GADL1: variants seen among roughly 807,000 people sequenced by gnomAD.
GADL1 encodes the protein acidic amino acid decarboxylase GADL1.
Under a neutral mutation model 69.5 loss-of-function variants are expected in GADL1, and 71 were observed. The observed-to-expected ratio is 1.02, with a 90% CI of 0.84 to 1.25. The LOEUF (loss-of-function observed/expected upper bound fraction) is 1.25. Among genes scored for constraint, GADL1 ranks in the 50% most tolerant of loss-of-function variants. GADL1 has a pLI of 0.00. For synonymous variants in GADL1, 254 were observed against 214.4 expected (o/e 1.18, Z -1.62); for missense variants, 737 against 631.8 (o/e 1.17, Z -1.79).
At chr3:30,885,252 G>A (rs1050033253) in intron 1 of GADL1, among the ~76,000 whole-genome samples, 6 of 151,752 alleles carry the variant, frequency 4.0e-5, no homozygotes, top group Non-Finnish European at 7.4e-5. Context: ...TTAATTTCCA[G>A]CCAATTATTT....
intron 1 of GADL1, among the ~76,000 whole-genome samples, chr3:30,879,515 C>A (rs1309364915): frequency 8.6e-5 from 13 of 151,902 alleles, no homozygotes; most frequent in Non-Finnish European, 1.2e-4. Context: ...GTGATCTCCT[C>A]CAAGAGAAGC....
At chr3:30,775,088 C>CAT (rs1312886148) in intron 14 of GADL1, among the ~76,000 whole-genome samples, 2 of 152,164 alleles carry the variant, frequency 1.3e-5, no homozygotes, top group Non-Finnish European at 2.9e-5. Flanking sequence ...GGAACTCAGG[C>CAT]ATCCAGTATC....
intron 11 of GADL1, among the ~76,000 whole-genome samples, chr3:30,822,575 T>G (rs984509924): frequency 5.9e-5 from 9 of 152,192 alleles, no homozygotes; most frequent in Middle Eastern, 3.4e-3. Flanking sequence ...AGCCTAGATA[T>G]ATATTAATAT....
intron 13 of GADL1, among the ~76,000 whole-genome samples, chr3:30,783,765 A>T (rs115364479): frequency 0.022 from 3,374 of 152,106 alleles, 53 homozygotes; most frequent in Middle Eastern, 0.048. Flanking sequence ...AGATGAAAAA[A>T]TCCAGGGGCA....
At position 30,839,514 on chromosome 3, in the gene GADL1, C is replaced by CAA. The variant is rs764490080; in HGVS notation, c.787-403_787-402dup. On this transcript the variant is annotated intron_variant, in intron 8 of 14. Coordinates refer to ENST00000282538, the MANE Select transcript of GADL1 (RefSeq NM_207359.3). The stretch of plus-strand genomic sequence containing the variant: ...CATTGTGCCATCATTGTCATCTTCT[C>CAA]AAAAAAAAAAAAAGGTTGGAAGACA... Among the ~76,000 whole-genome samples, 14 of 105,640 alleles carry CAA rather than the reference C, an allele frequency of 1.3e-4. 1 individual carries two copies. In the South Asian group the frequency reaches 3.5e-3, roughly 26 times the overall value. The allele number at this position is 105,640 out of a possible 152,430, so 69.3% of individuals were successfully genotyped here. A position where few individuals can be genotyped will look rare whatever the true frequency, so the allele number is the denominator to read the frequency against.
At chr3:30,778,119 A>T (rs572463313) in intron 14 of GADL1, 60 bp downstream of exon 14, 1 of 932,638 alleles carries the variant, frequency 1.1e-6, no homozygotes, top group Non-Finnish European at 1.8e-6. Flanking sequence ...TAGGATCAAC[A>T]GATAATGTAC....
intron 14 of GADL1, among the ~76,000 whole-genome samples, chr3:30,753,646 T>G (rs1214689108): frequency 2.6e-5 from 4 of 152,152 alleles, no homozygotes; most frequent in Non-Finnish European, 4.4e-5. Context: ...CTTGTTTACT[T>G]GCGGGATGTG....
At chr3:30,873,964 A>T (rs577844547) in intron 1 of GADL1, among the ~76,000 whole-genome samples, 1 of 151,962 alleles carries the variant, frequency 6.6e-6, no homozygotes, top group Non-Finnish European at 1.5e-5. Flanking sequence ...TGGAAAGTAC[A>T]TATTGAGAAG....
At chr3:30,745,960 C>A (rs1396420763) in intron 14 of GADL1, among the ~76,000 whole-genome samples, 4 of 149,014 alleles carry the variant, frequency 2.7e-5, no homozygotes, top group Non-Finnish European at 6.0e-5. Flanking sequence ...CTTTCCCCCA[C>A]CCCTCCTGCT....
At chr3:30,768,162 G>A (rs561645488) in intron 14 of GADL1, among the ~76,000 whole-genome samples, 1 of 151,878 alleles carries the variant, frequency 6.6e-6, no homozygotes, top group African/African-American at 2.4e-5. Flanking sequence ...AGCTAATCAG[G>A]CTCAAAGCTG....
intron 3 of GADL1, among the ~76,000 whole-genome samples, chr3:30,856,247 C>CT (rs1358785291): frequency 6.6e-6 from 1 of 152,012 alleles, no homozygotes; most frequent in Non-Finnish European, 1.5e-5. Flanking sequence ...AAAGTAATGC[C>CT]TGTATGATCT....
chr3:30,751,276 G>T (rs1171543373), intron 14 of GADL1, among the ~76,000 whole-genome samples: 1 of 152,028 alleles, frequency 6.6e-6, no homozygotes, highest in African/African-American at 2.4e-5. Context: ...GGCACGTGGG[G>T]GGTGTTGCCA....
chr3:30,773,071 C>CA (rs1350530562), intron 14 of GADL1, among the ~76,000 whole-genome samples: 15 of 151,994 alleles, frequency 9.9e-5, no homozygotes, highest in Admixed American at 9.8e-4. Context: ...GGGAACACAT[C>CA]ATGAGAAAAT....
In GADL1 at chr3:30,778,230, C is replaced by A. The variant is rs149175162; in HGVS notation, c.1341G>T (p.Pro447=). 1 of 1,612,136 alleles carries A rather than the reference C, an allele frequency of 6.2e-7. No homozygotes were observed. Among genetic ancestry groups the A allele is most frequent in the African/African-American group, 1.3e-5 (1 of 74,744 alleles). The change falls in exon 14 of 15, where the codon CCG becomes CCT. Residue 447 remains proline (P), a synonymous_variant. Coordinates refer to ENST00000282538, the MANE Select transcript of GADL1 (RefSeq NM_207359.3). ...YANICFWYIP[P]SLREMEEGPE... is the part of the protein sequence containing the mutation. Reference sequence around the variant, plus strand: ...GTCCTTCTTCCATCTCTCTGAGGCTCGGTGGAATGTACCAAAAGCAAATAT... The same window carrying A: ...GTCCTTCTTCCATCTCTCTGAGGCTAGGTGGAATGTACCAAAAGCAAATAT...
intron 6 of GADL1, among the ~76,000 whole-genome samples, chr3:30,848,071 G>A (rs140354267): frequency 5.3e-5 from 8 of 152,290 alleles, no homozygotes; most frequent in African/African-American, 1.9e-4. Flanking sequence ...TTTGAATGCA[G>A]AAGAGACTCT....
At chr3:30,757,625 AC>A in intron 14 of GADL1, among the ~76,000 whole-genome samples, 1 of 152,050 alleles carries the variant, frequency 6.6e-6, no homozygotes, top group East Asian at 1.9e-4. Context: ...AGGGCACATA[AC>A]CCCCCCACAG....
chr3:30,798,374 T>G (rs1332309605), intron 12 of GADL1: 1 of 153,058 alleles, frequency 6.5e-6, no homozygotes, highest in African/African-American at 2.4e-5. Context: ...CAAAAGGCAC[T>G]TCTTACGTGG....
At chr3:30,786,544 A>G in intron 12 of GADL1, 138 bp from the exon 13 acceptor site, 1 of 622,108 alleles carries the variant, frequency 1.6e-6, no homozygotes, top group Non-Finnish European at 2.9e-6. Context: ...AGGCAGAGCT[A>G]TGGATAGATA....
chr3:30,849,026 T>C (rs1224665234), intron 6 of GADL1, among the ~76,000 whole-genome samples: 5 of 152,252 alleles, frequency 3.3e-5, no homozygotes, highest in African/African-American at 1.2e-4. Context: ...GAAGTAACAA[T>C]GGCCAGTTCT....
Sources: allele counts gnomAD v4.1 joint callset (sites outside exome capture counted in the v4.1 genomes callset), GRCh38; gene constraint gnomAD v4.1.1; transcripts MANE v1.5; gene names NCBI Gene and HGNC (gene_info 2026-07-23, HGNC 2026-07-21).